DPYD: variants seen among roughly 807,000 people sequenced by gnomAD.
DPYD encodes the protein dihydropyrimidine dehydrogenase, also known as dihydropyrimidine dehydrogenase [NADP(+)].
A neutral mutation model predicts 116.2 loss-of-function variants in DPYD; 109 were observed. The observed-to-expected ratio is 0.94, with a 90% CI of 0.80 to 1.10. DPYD has a LOEUF of 1.10. Ranked by LOEUF, DPYD falls within the 50% of genes least tolerant of loss-of-function variation. The probability of loss-of-function intolerance (pLI) is 0.00; values close to 1 mark genes in which losing one functional copy is unlikely to be tolerated. For missense variants in DPYD, 1,302 were observed against 1,254.5 expected (o/e 1.04, Z -0.57); for synonymous variants, 440 against 432.0 (o/e 1.02, Z -0.23).
chr1:97,702,063 A>T (rs879907687), intron 5 of DPYD, among the ~76,000 whole-genome samples: 5 of 151,774 alleles, frequency 3.3e-5, no homozygotes, highest in Middle Eastern at 3.4e-3. Flanking sequence ...GATTTTCTTA[A>T]ATATTGTTTT....
At chr1:97,595,390 T>C (rs1654809831) in intron 8 of DPYD, among the ~76,000 whole-genome samples, 1 of 152,066 alleles carries the variant, frequency 6.6e-6, no homozygotes, top group African/African-American at 2.4e-5. Flanking sequence ...AATCACACAT[T>C]AATGTATACC....
At chr1:97,112,825 A>G (rs542735270) in intron 20 of DPYD, among the ~76,000 whole-genome samples, 2 of 152,282 alleles carry the variant, frequency 1.3e-5, no homozygotes, top group Admixed American at 6.5e-5. Context: ...CCATTAATGT[A>G]AATGAAATTC....
chr1:97,102,762 T>A (rs1430398154), intron 20 of DPYD, among the ~76,000 whole-genome samples: 1 of 151,998 alleles, frequency 6.6e-6, no homozygotes, highest in African/African-American at 2.4e-5. Flanking sequence ...ATCATTGTTA[T>A]TAATTTTGTA....
intron 8 of DPYD, among the ~76,000 whole-genome samples, chr1:97,605,412 C>T (rs1418059135): frequency 2.0e-5 from 3 of 152,004 alleles, no homozygotes; most frequent in African/African-American, 7.2e-5. Flanking sequence ...CTCATGAGAT[C>T]TGATGGTTTT....
chr1:97,742,866 C>T (rs1020827133), intron 3 of DPYD, among the ~76,000 whole-genome samples: 5 of 152,094 alleles, frequency 3.3e-5, no homozygotes, highest in Non-Finnish European at 7.4e-5. Context: ...TCTGCCATCA[C>T]ACAAAAGTAA....
chr1:97,266,046 A>T (rs1339411113), intron 18 of DPYD, among the ~76,000 whole-genome samples: 1 of 152,240 alleles, frequency 6.6e-6, no homozygotes, highest in Non-Finnish European at 1.5e-5. Context: ...GTACTACACA[A>T]TAAAGTTACT....
chr1:97,181,445 A>G (rs925252659), intron 20 of DPYD, among the ~76,000 whole-genome samples: 1 of 152,104 alleles, frequency 6.6e-6, no homozygotes, highest in African/African-American at 2.4e-5. Flanking sequence ...TACTCATGAC[A>G]ATTTACTGCC....
At chr1:97,533,585 G>T (rs1179286460) in intron 12 of DPYD, among the ~76,000 whole-genome samples, 1 of 152,086 alleles carries the variant, frequency 6.6e-6, no homozygotes, top group Non-Finnish European at 1.5e-5. Context: ...TAACATAAAG[G>T]AGTCAGTATG....
chr1:97,917,417 G>A lies in DPYD; in HGVS notation c.39+3467C>T, dbSNP rs979865802. 9.9e-5 allele frequency among the ~76,000 whole-genome samples: 15 copies of A among 152,128 alleles called. 1 individual carries two copies. Among genetic ancestry groups the A allele is most frequent in the Non-Finnish European group, 1.6e-4 (11 of 68,020 alleles). ...AATTTGTAAAGTCCACTTTCTCCAA[G>A]TCTTTCCCATTATGCTTCTATTTTC... On this transcript the variant is annotated intron_variant, in intron 1 of 22. Coordinates refer to ENST00000370192, the MANE Select transcript of DPYD (RefSeq NM_000110.4).
chr1:97,912,464 C>T (rs1288345186), intron 1 of DPYD, among the ~76,000 whole-genome samples: 1 of 151,978 alleles, frequency 6.6e-6, no homozygotes, highest in Non-Finnish European at 1.5e-5. Flanking sequence ...GACAAGAAAA[C>T]AAATATCAAA....
intron 16 of DPYD, among the ~76,000 whole-genome samples, chr1:97,315,015 G>C (rs146338347): frequency 6.6e-6 from 1 of 151,964 alleles, no homozygotes; most frequent in Admixed American, 6.6e-5. Context: ...GGTAGAGGGG[G>C]CTCTGCAATT....
intron 14 of DPYD, among the ~76,000 whole-genome samples, chr1:97,435,655 C>A (rs577002841): frequency 6.6e-6 from 1 of 151,370 alleles, no homozygotes; most frequent in South Asian, 2.1e-4. Flanking sequence ...GTATATAAAC[C>A]CTTAAAAAAT....
At chr1:97,368,213 G>T (rs1334294752) in intron 16 of DPYD, among the ~76,000 whole-genome samples, 2 of 152,126 alleles carry the variant, frequency 1.3e-5, no homozygotes, top group African/African-American at 4.8e-5. Context: ...ATACTAGACA[G>T]AACACTAGAC....
chr1:97,684,261 T>G (rs901590598), intron 7 of DPYD, among the ~76,000 whole-genome samples: 1 of 152,168 alleles, frequency 6.6e-6, no homozygotes, highest in Non-Finnish European at 1.5e-5. Flanking sequence ...TTCAAAGAAC[T>G]TCCTGAGTTC....
intron 12 of DPYD, among the ~76,000 whole-genome samples, chr1:97,542,212 T>G (rs749951961): frequency 1.9e-4 from 29 of 152,200 alleles, no homozygotes; most frequent in African/African-American, 2.4e-5. Flanking sequence ...ATAATCTCTA[T>G]ATTCAGAGCT....
intron 5 of DPYD, among the ~76,000 whole-genome samples, chr1:97,709,630 A>G (rs574314237): frequency 3.9e-5 from 6 of 151,922 alleles, no homozygotes; most frequent in East Asian, 3.9e-4. Flanking sequence ...TTTAAAATGG[A>G]AAGATTGCAA....
intron 5 of DPYD, among the ~76,000 whole-genome samples, chr1:97,709,688 G>A (rs1662178643): frequency 6.6e-6 from 1 of 151,666 alleles, no homozygotes; most frequent in South Asian, 2.1e-4. Context: ...TCACCTTCTG[G>A]AGACAGAAAT....
intron 14 of DPYD, among the ~76,000 whole-genome samples, chr1:97,405,573 T>A (rs1276343009): frequency 6.6e-6 from 1 of 152,090 alleles, no homozygotes; most frequent in Non-Finnish European, 1.5e-5. Flanking sequence ...TGGAGTGCAG[T>A]TCTGTGATCT....
chr1:97,521,725 A>G (rs1269137334), intron 12 of DPYD, among the ~76,000 whole-genome samples: 8 of 152,210 alleles, frequency 5.3e-5, no homozygotes, highest in Non-Finnish European at 1.2e-4. Flanking sequence ...AGACCAATGG[A>G]ACAGAACAGA....
Sources: allele counts gnomAD v4.1 joint callset (sites outside exome capture counted in the v4.1 genomes callset), GRCh38; gene constraint gnomAD v4.1.1; transcripts MANE v1.5; gene names NCBI Gene and HGNC (gene_info 2026-07-23, HGNC 2026-07-21).